The following SLC24A3 variants were observed in gnomAD, a reference collection of about 807,000 sequenced individuals.
The protein encoded by SLC24A3 is sodium/potassium/calcium exchanger 3.
Under a neutral mutation model 75.8 loss-of-function variants are expected in SLC24A3, and 28 were observed. That is an observed-to-expected ratio of 0.37 (90% CI 0.27 to 0.51). SLC24A3 has a LOEUF of 0.51. Ranked by LOEUF, SLC24A3 falls within the 20% of genes least tolerant of loss-of-function variation. The pLI is 0.94. For missense variants in SLC24A3, 663 were observed against 847.8 expected (o/e 0.78, Z 2.71); for synonymous variants, 372 against 334.1 (o/e 1.11, Z -1.24).
chr20:19,643,402 T>C (rs1568683066), intron 6 of SLC24A3, among the ~76,000 whole-genome samples: 1 of 152,202 alleles, frequency 6.6e-6, no homozygotes. Context: ...CCAGAAAACC[T>C]TGGATCCTTC....
At chr20:19,526,619 G>T (rs543708790) in intron 3 of SLC24A3, among the ~76,000 whole-genome samples, 2 of 152,080 alleles carry the variant, frequency 1.3e-5, no homozygotes, top group African/African-American at 4.8e-5. Context: ...TCCAGGTCAC[G>T]CTTTGCTCGG....
chr20:19,709,483 G>A (rs1032814678), intron 15 of SLC24A3, among the ~76,000 whole-genome samples: 6 of 152,040 alleles, frequency 3.9e-5, no homozygotes, highest in African/African-American at 9.7e-5. Flanking sequence ...TTAGCCGAGC[G>A]TGGTGGCACA....
chr20:19,509,340 G>C (rs1323366820), intron 2 of SLC24A3, among the ~76,000 whole-genome samples: 2 of 152,206 alleles, frequency 1.3e-5, no homozygotes, highest in Admixed American at 6.5e-5. Flanking sequence ...GAGTACTTTT[G>C]GATTTGGCGC....
At chr20:19,432,510 C>T (rs1987123164) in intron 2 of SLC24A3, among the ~76,000 whole-genome samples, 1 of 151,980 alleles carries the variant, frequency 6.6e-6, no homozygotes, top group African/African-American at 2.4e-5. Flanking sequence ...TGGAGAATTC[C>T]AAGCTGACGT....
At chr20:19,594,728 AGAGT>A (rs1475367937) in intron 6 of SLC24A3, among the ~76,000 whole-genome samples, 2 of 152,118 alleles carry the variant, frequency 1.3e-5, no homozygotes, top group South Asian at 2.1e-4. Context: ...AGATGGAGAG[AGAGT>A]AAGATATTAA....
chr20:19,640,000 C>G (rs1298855201), intron 6 of SLC24A3, among the ~76,000 whole-genome samples: 1 of 152,242 alleles, frequency 6.6e-6, no homozygotes, highest in Non-Finnish European at 1.5e-5. Context: ...AGCCCTGATT[C>G]CCGCTGGCGC....
chr20:19,601,163 A>G (rs1453436674), intron 6 of SLC24A3, among the ~76,000 whole-genome samples: 12 of 152,228 alleles, frequency 7.9e-5, no homozygotes, highest in Admixed American at 7.8e-4. Flanking sequence ...TAAAACACCC[A>G]GAAGACCCAT....
At chr20:19,664,441 C>T (rs918778361) in intron 7 of SLC24A3, among the ~76,000 whole-genome samples, 5 of 152,252 alleles carry the variant, frequency 3.3e-5, no homozygotes, top group Admixed American at 2.0e-4. Flanking sequence ...GCCCACATTT[C>T]CAATGGCTTG....
chr20:19,310,677 G>A (rs1984436771), intron 2 of SLC24A3, among the ~76,000 whole-genome samples: 1 of 152,214 alleles, frequency 6.6e-6, no homozygotes, highest in African/African-American at 2.4e-5. Context: ...CATTATCTGT[G>A]CTGCAGTCAT....
At chr20:19,372,243 G>A (rs1986005696) in intron 2 of SLC24A3, among the ~76,000 whole-genome samples, 1 of 152,172 alleles carries the variant, frequency 6.6e-6, no homozygotes. Flanking sequence ...ATCTGTATTT[G>A]TTTGGAATCT....
In SLC24A3 at chr20:19,315,030, G is replaced by A. The variant is rs534018681; in HGVS notation, c.271+33943G>A. ...TTTGCTTTGATTTTCTAGGTGGTAG[G>A]GCCAGTGTGCTGGCAATCAGGTCAC... On this transcript the variant is annotated intron_variant, in intron 2 of 16. Coordinates refer to ENST00000328041, the MANE Select transcript of SLC24A3 (RefSeq NM_020689.4). 7.9e-5 allele frequency among the ~76,000 whole-genome samples: 12 copies of A among 152,254 alleles called. 1 individual carries two copies. Among genetic ancestry groups the A allele is most frequent in the African/African-American group, 2.9e-4 (12 of 41,558 alleles).
intron 6 of SLC24A3, among the ~76,000 whole-genome samples, chr20:19,651,589 G>A (rs981187912): frequency 4.6e-5 from 7 of 151,950 alleles, no homozygotes; most frequent in East Asian, 1.9e-4. Context: ...GCCAGGCGCC[G>A]TGGCTCACGC....
At chr20:19,517,938 A>C (rs2030027738) in intron 3 of SLC24A3, among the ~76,000 whole-genome samples, 1 of 152,168 alleles carries the variant, frequency 6.6e-6, no homozygotes, top group African/African-American at 2.4e-5. Context: ...AAATCTTGTT[A>C]TCCTACCCAC....
intron 5 of SLC24A3, 119 bp downstream of exon 5, chr20:19,585,174 C>A: frequency 3.3e-6 from 3 of 903,044 alleles, no homozygotes; most frequent in South Asian, 3.3e-5. Context: ...AATCCAGGGA[C>A]CCCAATGAGT....
chr20:19,264,132 G>C (rs528068811), intron 1 of SLC24A3: 1 of 146,774 alleles, frequency 6.8e-6, no homozygotes, highest in Non-Finnish European at 1.5e-5. Flanking sequence ...CTACACTCCA[G>C]CCTGAGTGAC....
chr20:19,506,052 G>T (rs7269247), intron 2 of SLC24A3, among the ~76,000 whole-genome samples: 14,916 of 152,048 alleles, frequency 0.098, 775 homozygotes, highest in South Asian at 0.1. Context: ...CACATAAATG[G>T]GTATTGTTTT....
intron 2 of SLC24A3, among the ~76,000 whole-genome samples, chr20:19,484,351 T>C (rs1988099229): frequency 6.6e-6 from 1 of 152,226 alleles, no homozygotes; most frequent in African/African-American, 2.4e-5. Flanking sequence ...TGATTGCATT[T>C]TGACTGCGAC....
chr20:19,650,314 T>C (rs2032187608), intron 6 of SLC24A3, among the ~76,000 whole-genome samples: 1 of 152,234 alleles, frequency 6.6e-6, no homozygotes, highest in African/African-American at 2.4e-5. Flanking sequence ...CTAGACCTAG[T>C]GCAAGATGCA....
intron 2 of SLC24A3, among the ~76,000 whole-genome samples, chr20:19,492,901 C>G (rs1988228900): frequency 6.6e-6 from 1 of 152,166 alleles, no homozygotes; most frequent in Admixed American, 6.5e-5. Flanking sequence ...CTTCTCATAC[C>G]TTAAGAGCTA....
Sources: allele counts gnomAD v4.1 joint callset (sites outside exome capture counted in the v4.1 genomes callset), GRCh38; gene constraint gnomAD v4.1.1; transcripts MANE v1.5; gene names NCBI Gene and HGNC (gene_info 2026-07-23, HGNC 2026-07-21).